Variants in RCSD1 observed in about 807,000 individuals in gnomAD.
The protein encoded by RCSD1 is capZ-interacting protein.
A neutral mutation model predicts 42.5 loss-of-function variants in RCSD1; 26 were observed. The ratio of observed to expected loss-of-function variants is 0.61; its 90% CI spans 0.45 to 0.85. RCSD1 has a LOEUF of 0.85. RCSD1 is among the 40% of genes least tolerant of loss of function. The probability of loss-of-function intolerance (pLI) is 0.00; values close to 1 mark genes in which losing one functional copy is unlikely to be tolerated. For synonymous variants in RCSD1, 220 were observed against 212.2 expected, an observed-to-expected ratio of 1.04 and a Z score of -0.32; for missense variants, 571 against 528.3, an observed-to-expected ratio of 1.08 and a Z score of -0.79.
At chr1:167,669,459 A>G (rs1393415446) in intron 1 of RCSD1, among the ~76,000 whole-genome samples, 5 of 152,212 alleles carry the variant, frequency 3.3e-5, no homozygotes, top group African/African-American at 1.2e-4. Context: ...CCTGGGAACC[A>G]TCAGAAATTA....
chr1:167,645,046 G>A (rs1427004480), intron 1 of RCSD1, among the ~76,000 whole-genome samples: 2 of 152,162 alleles, frequency 1.3e-5, no homozygotes, highest in African/African-American at 2.4e-5. Flanking sequence ...GGCAGGCCAC[G>A]GGGCTCTATC....
At chr1:167,673,805 G>A (rs117740485) in intron 1 of RCSD1, among the ~76,000 whole-genome samples, 1 of 152,100 alleles carries the variant, frequency 6.6e-6, no homozygotes, top group East Asian at 1.9e-4. Context: ...GCCAGCCCCT[G>A]TGCCTACAAC....
intron 5 of RCSD1, among the ~76,000 whole-genome samples, chr1:167,695,094 G>C (rs1431762887): frequency 6.6e-6 from 1 of 152,200 alleles, no homozygotes; most frequent in Non-Finnish European, 1.5e-5. Context: ...AATCAAATGT[G>C]TAAAAACAGG....
chr1:167,680,839 C>T (rs899843595), intron 1 of RCSD1, among the ~76,000 whole-genome samples: 3 of 152,218 alleles, frequency 2.0e-5, no homozygotes, highest in Non-Finnish European at 1.5e-5. Flanking sequence ...AGAGAAAGAA[C>T]ATTTAATCCA....
rs144193472 is a variant in RCSD1 at position 167,703,310 on chromosome 1, G to T, written c.1219-1354G>T. ...CCTTTCCCACCCACCGCTCCTCCTT[G>T]ACCCTCCTCAGCCCCGAGCATGACC... On this transcript the variant is annotated intron_variant, in intron 6 of 6. Coordinates refer to ENST00000367854, the MANE Select transcript of RCSD1 (RefSeq NM_052862.4). Among the ~76,000 whole-genome samples the T allele has an allele frequency of 8.9e-4, 136 of 151,972 alleles. 1 individual carries two copies. The highest frequency in any genetic ancestry group is 5.0e-3 in the East Asian group (26 of 5,162).
intron 1 of RCSD1, among the ~76,000 whole-genome samples, chr1:167,644,010 C>T (rs1658068304): frequency 6.6e-6 from 1 of 152,086 alleles, no homozygotes; most frequent in Non-Finnish European, 1.5e-5. Flanking sequence ...GTAAATCTCT[C>T]TGGGCTTCTG....
intron 5 of RCSD1, among the ~76,000 whole-genome samples, chr1:167,696,351 G>T (rs951596787): frequency 1.2e-4 from 18 of 151,986 alleles, no homozygotes; most frequent in Non-Finnish European, 4.4e-5. Flanking sequence ...ATGCAAAATA[G>T]AGATTTTATT....
At chr1:167,659,976 C>T (rs1002511020) in intron 1 of RCSD1, among the ~76,000 whole-genome samples, 2 of 152,206 alleles carry the variant, frequency 1.3e-5, no homozygotes, top group African/African-American at 4.8e-5. Context: ...GGGCTGCCCA[C>T]GTGCCTCTTT....
chr1:167,703,663 T>A (rs1659692505), intron 6 of RCSD1, among the ~76,000 whole-genome samples: 1 of 152,154 alleles, frequency 6.6e-6, no homozygotes, highest in East Asian at 1.9e-4. Flanking sequence ...CACTGGAAAA[T>A]GGAGTTCATG....
At chr1:167,653,522 CAG>C (rs1658358369) in intron 1 of RCSD1, among the ~76,000 whole-genome samples, 1 of 152,216 alleles carries the variant, frequency 6.6e-6, no homozygotes, top group African/African-American at 2.4e-5. Flanking sequence ...ATCCGGAAGA[CAG>C]AGCCTCAGTC....
chr1:167,689,958 T>C (rs1408627842), intron 3 of RCSD1, 91 bp from the exon 4 acceptor site: 2 of 1,251,992 alleles, frequency 1.6e-6, no homozygotes, highest in Non-Finnish European at 2.3e-6. Context: ...CCAACTTCTC[T>C]TCTCCTTCTG....
chr1:167,671,145 G>C (rs1466123713), intron 1 of RCSD1, among the ~76,000 whole-genome samples: 1 of 152,146 alleles, frequency 6.6e-6, no homozygotes, highest in African/African-American at 2.4e-5. Context: ...CTAGGGTCTG[G>C]CATGTTGTAG....
intron 1 of RCSD1, among the ~76,000 whole-genome samples, chr1:167,644,246 G>A (rs146102123): frequency 0.016 from 2,449 of 152,184 alleles, 56 homozygotes; most frequent in African/African-American, 0.056. Flanking sequence ...TTGGGAGGCC[G>A]AGGCAGGCCG....
At chr1:167,688,341 A>T (rs1252523240) in intron 3 of RCSD1, among the ~76,000 whole-genome samples, 1 of 152,178 alleles carries the variant, frequency 6.6e-6, no homozygotes, top group Non-Finnish European at 1.5e-5. Context: ...GCAGTTTCTA[A>T]AAGTTTCTCT....
At chr1:167,640,861 A>G (rs188072338) in intron 1 of RCSD1, 4 of 152,152 alleles carry the variant, frequency 2.6e-5, no homozygotes, top group Non-Finnish European at 5.9e-5. Context: ...GGAAGTTATC[A>G]TAACTTTTAG....
At chr1:167,644,045 T>C (rs1473748154) in intron 1 of RCSD1, among the ~76,000 whole-genome samples, 1 of 152,020 alleles carries the variant, frequency 6.6e-6, no homozygotes, top group Non-Finnish European at 1.5e-5. Context: ...TTGGGGGCAA[T>C]GCTGGAACAG....
intron 1 of RCSD1, chr1:167,633,881 G>C (rs911897455): frequency 1.3e-5 from 2 of 152,222 alleles, no homozygotes; most frequent in African/African-American, 4.8e-5. Context: ...ATGGAAAAGA[G>C]TAAAGACCAT....
rs989025462 is a variant in RCSD1, at chr1:167,685,458, G to T, written c.146G>T (p.Cys49Phe). The T allele has an allele frequency of 8.7e-6, 14 of 1,613,704 alleles. No individual in the cohort carries two copies. The highest frequency in any genetic ancestry group is 1.2e-5 in the Non-Finnish European group (14 of 1,179,898). ...ASKPTRRKPP[C>F]SLPLFPPKVD... ...AAACCAACCCGAAGGAAACCGCCCT[G>T]TTCCCTCCCCCTGTTCCCCCCCAAG... Residue 49 changes from cysteine (C) to phenylalanine (F), a missense_variant, in exon 3 of 7, where the codon TGT (cysteine) becomes TTT (phenylalanine). Physicochemically the swap from Cys to Phe is radical, Grantham distance 205 (BLOSUM62 -2). Coordinates refer to ENST00000367854, the MANE Select transcript of RCSD1 (RefSeq NM_052862.4).
chr1:167,660,613 T>C (rs1403979502), intron 1 of RCSD1, among the ~76,000 whole-genome samples: 1 of 152,136 alleles, frequency 6.6e-6, no homozygotes, highest in Non-Finnish European at 1.5e-5. Context: ...TGTAGGACTA[T>C]AGGTGCATGC....
Sources: allele counts gnomAD v4.1 joint callset (sites outside exome capture counted in the v4.1 genomes callset), GRCh38; gene constraint gnomAD v4.1.1; transcripts MANE v1.5; gene names NCBI Gene and HGNC (gene_info 2026-07-23, HGNC 2026-07-21).